Variants in PIK3CA observed in about 807,000 individuals in gnomAD.
PIK3CA encodes phosphatidylinositol 4,5-bisphosphate 3-kinase catalytic subunit alpha isoform.
In PIK3CA, 27 loss-of-function variants were observed where a neutral mutation model predicts 138.2. The observed-to-expected ratio is 0.20, with a 90% confidence interval of 0.14 to 0.27. The LOEUF is 0.27. Among genes scored for constraint, PIK3CA ranks in the 10% least tolerant of loss-of-function variants. PIK3CA has a pLI of 1.00. For missense variants in PIK3CA, 544 were observed against 1,277.4 expected (o/e 0.43, Z 8.75); for synonymous variants, 358 against 413.2 (o/e 0.87, Z 1.62).
At chr3:179,171,497 A>G (rs1486133844) in intron 1 of PIK3CA, among the ~76,000 whole-genome samples, 1 of 152,162 alleles carries the variant, frequency 6.6e-6, no homozygotes, top group Non-Finnish European at 1.5e-5. Context: ...AGTTCAGTAA[A>G]TCTTTAGCTA....
chr3:179,219,562 C>T lies in PIK3CA; in HGVS notation c.1747-9C>T, dbSNP rs201779641. The T allele has an allele frequency of 4.9e-4, 644 of 1,308,342 alleles. No individual in the cohort carries two copies. The highest frequency in any genetic ancestry group is 6.5e-4 in the Non-Finnish European group (586 of 908,524). 81.0% of individuals were successfully genotyped at this position (1,308,342 alleles called of 1,614,324 possible). A position where few individuals can be genotyped will look rare whatever the true frequency, so the allele number is the denominator to read the frequency against. On this transcript the variant is annotated splice_polypyrimidine_tract_variant and intron_variant, in intron 11 of 20. Transcript: ENST00000263967. This position sits in a 1 kb window ranked among gnomAD's most constrained non-coding sequence, Gnocchi z 4.2. Reference sequence around the variant, plus strand: ...TTTAAATATGATTTATTGTCTTTCTCATACACAGATGTATTGCTTGGTAAA... The same window carrying T: ...TTTAAATATGATTTATTGTCTTTCTTATACACAGATGTATTGCTTGGTAAA...
chr3:179,196,668 T>C (rs1724272408), intron 1 of PIK3CA, among the ~76,000 whole-genome samples: 1 of 152,232 alleles, frequency 6.6e-6, no homozygotes, highest in Admixed American at 6.5e-5. Flanking sequence ...ACATCCTTTG[T>C]GTGTTATAAC....
chr3:179,209,811 A>C (rs1724661003), intron 7 of PIK3CA, 111 bp downstream of exon 7: 1 of 517,416 alleles, frequency 1.9e-6, no homozygotes, highest in Non-Finnish European at 3.3e-6. Context: ...GAAAATAATA[A>C]TAAACCTATT....
At chr3:179,221,517 A>T (rs1724966397) in intron 14 of PIK3CA, among the ~76,000 whole-genome samples, 1 of 151,976 alleles carries the variant, frequency 6.6e-6, no homozygotes, top group Non-Finnish European at 1.5e-5. Flanking sequence ...ATTTACAGTG[A>T]TTATTTCCTT....
chr3:179,217,443 C>A (rs1282167322), intron 9 of PIK3CA, among the ~76,000 whole-genome samples: 1 of 152,038 alleles, frequency 6.6e-6, no homozygotes, highest in Non-Finnish European at 1.5e-5. Context: ...GGTAATATTT[C>A]TTCATGCTGC....
intron 16 of PIK3CA, 73 bp downstream of exon 16, chr3:179,224,894 C>A (rs1725048232): frequency 9.4e-7 from 1 of 1,062,546 alleles, no homozygotes. Flanking sequence ...ATTTATGAAC[C>A]ATGAAAACTA....
intron 1 of PIK3CA, chr3:179,168,953 C>G (rs1008088583): frequency 1.3e-5 from 2 of 151,818 alleles, no homozygotes; most frequent in Non-Finnish European, 1.5e-5. Flanking sequence ...CCGTATCTTA[C>G]CATTGTGATT....
At chr3:179,170,466 A>T (rs1446790483) in intron 1 of PIK3CA, among the ~76,000 whole-genome samples, 1 of 152,210 alleles carries the variant, frequency 6.6e-6, no homozygotes, top group South Asian at 2.1e-4. Context: ...TAATTGTATT[A>T]GTATAAAAGT....
At chr3:179,196,648 C>T in intron 1 of PIK3CA, among the ~76,000 whole-genome samples, 1 of 152,210 alleles carries the variant, frequency 6.6e-6, no homozygotes, top group East Asian at 1.9e-4. Flanking sequence ...TTCTGCTATT[C>T]CTACTCTTCA....
intron 1 of PIK3CA, among the ~76,000 whole-genome samples, chr3:179,173,552 C>G (rs982176500): frequency 1.3e-5 from 2 of 151,424 alleles, no homozygotes; most frequent in Non-Finnish European, 2.9e-5. Flanking sequence ...GCACTCCAGC[C>G]TGGGTGACAG....
At chr3:179,154,889 A>G (rs993890632) in intron 1 of PIK3CA, among the ~76,000 whole-genome samples, 3 of 152,170 alleles carry the variant, frequency 2.0e-5, no homozygotes, top group Non-Finnish European at 2.9e-5. Context: ...ACTTTTGTAC[A>G]TTATTGCGAT....
intron 1 of PIK3CA, among the ~76,000 whole-genome samples, chr3:179,187,442 G>T (rs1314430677): frequency 6.7e-6 from 1 of 148,528 alleles, no homozygotes; most frequent in African/African-American, 2.5e-5. Flanking sequence ...GGAGGCTGAG[G>T]CAGGAGAATT....
chr3:179,233,883 C>A (rs1317982361), intron 20 of PIK3CA, among the ~76,000 whole-genome samples: 1 of 152,086 alleles, frequency 6.6e-6, no homozygotes, highest in Non-Finnish European at 1.5e-5. Context: ...GGTAATAAAG[C>A]AGTTTTTAAA....
intron 1 of PIK3CA, among the ~76,000 whole-genome samples, chr3:179,190,310 C>CA (rs71181269): frequency 0.23 from 34,463 of 147,272 alleles, 4,549 homozygotes; most frequent in Non-Finnish European, 0.31. Flanking sequence ...ATAGTGCACC[C>CA]CCCCCACCAC....
At chr3:179,223,671 T>C (rs1393220517) in intron 14 of PIK3CA, among the ~76,000 whole-genome samples, 1 of 152,220 alleles carries the variant, frequency 6.6e-6, no homozygotes, top group African/African-American at 2.4e-5. Context: ...TTTTAGACTT[T>C]GCAGGCCCAT....
chr3:179,160,010 G>T (rs562996017), intron 1 of PIK3CA, among the ~76,000 whole-genome samples: 14 of 152,280 alleles, frequency 9.2e-5, no homozygotes, highest in African/African-American at 3.4e-4. Context: ...AAGCTTGCAA[G>T]ACTAGAAGTT....
intron 1 of PIK3CA, among the ~76,000 whole-genome samples, chr3:179,195,940 A>G (rs1724256180): frequency 6.6e-6 from 1 of 152,158 alleles, no homozygotes; most frequent in Admixed American, 6.5e-5. Flanking sequence ...ACAAATAAAA[A>G]AGCTGTCATT....
intron 1 of PIK3CA, among the ~76,000 whole-genome samples, chr3:179,155,886 T>C (rs1053641191): frequency 6.6e-6 from 1 of 152,222 alleles, no homozygotes; most frequent in Non-Finnish European, 1.5e-5. Context: ...AAAAATTCGA[T>C]CACGAATCAG....
intron 1 of PIK3CA, among the ~76,000 whole-genome samples, chr3:179,149,213 A>G (rs538413668): frequency 6.6e-6 from 1 of 152,172 alleles, no homozygotes; most frequent in South Asian, 2.1e-4. Flanking sequence ...TAGCTGAGAC[A>G]AACGCTTAGA....
Sources: gnomAD v4.1 joint callset for allele counts (sites outside exome capture counted in the v4.1 genomes callset) on GRCh38, gnomAD v4.1.1 for gene constraint, Gnocchi (gnomAD v3.1) non-coding constraint, MANE v1.5 for transcripts, NCBI Gene and HGNC (gene_info 2026-07-23, HGNC 2026-07-21) for gene names.